Variants in MID1 observed in about 807,000 individuals in gnomAD.
MID1 encodes midline 1.
MID1 carries 7 observed loss-of-function variants against 40.4 expected under a neutral mutation model. That is an observed-to-expected ratio of 0.17 (90% confidence interval 0.10 to 0.33). MID1 has a LOEUF of 0.33. Among genes scored for constraint, MID1 ranks in the 10% least tolerant of loss-of-function variants. The pLI is 1.00. For synonymous variants in MID1, 229 were observed against 221.2 expected, an observed-to-expected ratio of 1.04 and a Z score of -0.31; for missense variants, 367 against 558.5, an observed-to-expected ratio of 0.66 and a Z score of 3.46.
At chrX:10,626,879 AG>A (rs1417817902) in intron 1 of MID1, among the ~76,000 whole-genome samples, 1 of 111,808 alleles carries the variant, frequency 8.9e-6, no homozygotes, top group Non-Finnish European at 1.9e-5. Context: ...TGGGATGAGG[AG>A]GGCTAATTCC....
chrX:10,683,837 G>A (rs1361942952), intron 1 of MID1, among the ~76,000 whole-genome samples: 2 of 88,524 alleles, frequency 2.3e-5, no homozygotes, highest in African/African-American at 4.5e-5. Context: ...GTGGCACGAC[G>A]TTGGCTCACT....
At chrX:10,771,886 T>G (rs1273914590) in intron 1 of MID1, among the ~76,000 whole-genome samples, 1 of 110,395 alleles carries the variant, frequency 9.1e-6, no homozygotes, top group African/African-American at 3.3e-5. Context: ...ACTTAAATGT[T>G]TAAATGGAAT....
intron 1 of MID1, among the ~76,000 whole-genome samples, chrX:10,726,747 C>T (rs183709985): frequency 1.8e-5 from 2 of 112,579 alleles, no homozygotes; most frequent in African/African-American, 6.4e-5. Context: ...GCGTCCTGGT[C>T]CTTGTAACCA....
chrX:10,523,352 A>C (rs1214829661), intron 2 of MID1, among the ~76,000 whole-genome samples, 165 bp from the exon 3 acceptor site: 1 of 112,341 alleles, frequency 8.9e-6, no homozygotes, highest in Non-Finnish European at 1.9e-5. Context: ...GATTTTCAAA[A>C]GTTGCATTTA....
At chrX:10,705,503 T>C (rs2043224690) in intron 1 of MID1, among the ~76,000 whole-genome samples, 1 of 112,229 alleles carries the variant, frequency 8.9e-6, no homozygotes, top group Admixed American at 9.5e-5. Context: ...GAAGATTAAA[T>C]GAGACCATGC....
intron 2 of MID1, among the ~76,000 whole-genome samples, chrX:10,564,606 C>A (rs766946996): frequency 9.0e-6 from 1 of 111,655 alleles, no homozygotes; most frequent in African/African-American, 3.2e-5. Flanking sequence ...AACCGATAGG[C>A]CACTGGCTCA....
At chrX:10,498,783 A>G (rs1271133607) in intron 3 of MID1, among the ~76,000 whole-genome samples, 2 of 112,570 alleles carry the variant, frequency 1.8e-5, no homozygotes, top group East Asian at 2.8e-4. Context: ...GGTAGCATTT[A>G]TCAGTACTTC....
At chrX:10,605,254 T>C (rs769654495) in intron 1 of MID1, among the ~76,000 whole-genome samples, 1 of 112,011 alleles carries the variant, frequency 8.9e-6, no homozygotes, top group Non-Finnish European at 1.9e-5. Context: ...GGCAACTCTT[T>C]GCTATATAAC....
chrX:10,469,761 A>G lies in MID1; in HGVS notation c.1221T>C (p.Asp407=), dbSNP rs1219766465. Residue 407 remains aspartate (D), a synonymous_variant, in exon 7 of 10, where the codon GAT becomes GAC. Transcript: ENST00000317552. ...DTITVHWTSD[D]EFSVVSYELQ... is the part of the protein sequence containing the mutation. Reference sequence around the variant, plus strand: ...GCTCGTAGGAGACCACGCTGAACTCATCATCGGAGGTCCAATGCACAGTGA... The same window carrying G: ...GCTCGTAGGAGACCACGCTGAACTCGTCATCGGAGGTCCAATGCACAGTGA... 8.3e-7 allele frequency: 1 copy of G among 1,210,638 alleles called. No homozygotes were observed. The highest frequency in any genetic ancestry group is 1.1e-6 in the Non-Finnish European group (1 of 894,544).
chrX:10,792,539 A>G (rs2043939760), intron 1 of MID1, among the ~76,000 whole-genome samples: 1 of 112,352 alleles, frequency 8.9e-6, no homozygotes, highest in African/African-American at 3.2e-5. Flanking sequence ...ACAAATTCCT[A>G]TTTTGAAATA....
rs980613248 is a variant in MID1 at position 10,594,303 on chromosome X, T to C, written c.-57+25987A>G. ...TAAAATCAGTGGGTCCTTATTTTTG[T>C]TCGCTTTGTCCTTCTATCTGTACTG... On this transcript the variant is annotated intron_variant, in intron 1 of 9. Transcript: ENST00000317552. 4.5e-5 allele frequency among the ~76,000 whole-genome samples: 5 copies of C among 111,883 alleles called. No individual in the cohort carries two copies. In the South Asian group the frequency reaches 1.9e-3, roughly 42 times the overall value.
chrX:10,525,956 T>C (rs1406745084), intron 2 of MID1, among the ~76,000 whole-genome samples: 1 of 112,413 alleles, frequency 8.9e-6, no homozygotes, highest in Non-Finnish European at 1.9e-5. Context: ...TACACTTTCT[T>C]TCATTTCCGG....
Position 10,533,407 on chromosome X carries a change from G to GA in MID1, c.661-10221dup, listed in dbSNP as rs1383753270. Among the ~76,000 whole-genome samples, 6 of 83,671 alleles carry GA rather than the reference G, an allele frequency of 7.2e-5. No individual in the cohort carries two copies. In the East Asian group the frequency reaches 1.3e-3, roughly 18 times the overall value. The allele number at this position is 83,671 out of a possible 115,157, so 72.7% of individuals were successfully genotyped here. On this transcript the variant is annotated intron_variant, in intron 2 of 9. Coordinates refer to ENST00000317552, the MANE Select transcript of MID1 (RefSeq NM_000381.4). The stretch of plus-strand genomic sequence containing the variant: ...GAAAGAAAGAAAAGAAAGAAAGAAA[G>GA]AAAGAAAGAAAGAAAGAAAGAAAGA...
intron 1 of MID1, among the ~76,000 whole-genome samples, chrX:10,686,647 C>T (rs1211945477): frequency 8.9e-6 from 1 of 111,746 alleles, no homozygotes; most frequent in Non-Finnish European, 1.9e-5. Context: ...GAAACACATG[C>T]TGAGGTGGAA....
At position 10,513,570 on chromosome X, in the gene MID1, G is replaced by A. The variant is rs143772471; in HGVS notation, c.756+9522C>T. 5.6e-3 allele frequency among the ~76,000 whole-genome samples: 629 copies of A among 112,248 alleles called. 4 individuals are homozygous for A. The highest frequency in any genetic ancestry group is 0.019 in the African/African-American group (592 of 30,899). On this transcript the variant is annotated intron_variant, in intron 3 of 9. Transcript: ENST00000317552. ...ATTGCCCAGTCTGGAGTGCAATGGC[G>A]TGATCTCAGCTCACTGCAACCTCTG...
rs4830724 is a variant in MID1 at position 10,794,701 on chromosome X, G to A, written c.-187+38853C>T. On this transcript the variant is annotated intron_variant, in intron 1 of 10. Coordinates refer to the MID1 transcript ENST00000380785. ...CCATTCTTTTTCTGTTTAATTAACCGAAGCACAAAATTAAGTGTTAACTTC... is the reference window on the plus strand; with the variant it reads ...CCATTCTTTTTCTGTTTAATTAACCAAAGCACAAAATTAAGTGTTAACTTC... Among the ~76,000 whole-genome samples, 419 of 112,182 alleles carry A rather than the reference G, an allele frequency of 3.7e-3. 3 individuals carry two copies. Among genetic ancestry groups the A allele is most frequent in the Admixed American group, 0.032 (340 of 10,596 alleles).
intron 1 of MID1, among the ~76,000 whole-genome samples, chrX:10,636,604 T>C (rs1936113380): frequency 9.3e-6 from 1 of 107,771 alleles, no homozygotes; most frequent in African/African-American, 3.4e-5. Context: ...ACTAGTGTTC[T>C]CTTGACCTCC....
intron 1 of MID1, among the ~76,000 whole-genome samples, chrX:10,723,561 CTTA>C (rs1245651843): frequency 8.8e-6 from 1 of 113,036 alleles, no homozygotes; most frequent in African/African-American, 3.2e-5. Flanking sequence ...GGTGTAGTTT[CTTA>C]TTTTTGAGAC....
intron 1 of MID1, among the ~76,000 whole-genome samples, chrX:10,664,483 T>G (rs2042937481): frequency 8.9e-6 from 1 of 112,314 alleles, no homozygotes; most frequent in Non-Finnish European, 1.9e-5. Flanking sequence ...TGCTACGTTT[T>G]ATTTATCCAT....
Sources: allele counts gnomAD v4.1 joint callset (sites outside exome capture counted in the v4.1 genomes callset), GRCh38; gene constraint gnomAD v4.1.1; transcripts MANE v1.5; gene names NCBI Gene and HGNC (gene_info 2026-07-23, HGNC 2026-07-21).